The following MGAT4A variants were observed in gnomAD, a reference collection of about 807,000 sequenced individuals.
MGAT4A encodes the protein alpha-1,3-mannosyl-glycoprotein 4-beta-N-acetylglucosaminyltransferase A, also known as N-acetylglucosaminyltransferase IVa.
In MGAT4A, 33 loss-of-function variants were observed where a neutral mutation model predicts 74.1. The ratio of observed to expected loss-of-function variants is 0.45; its 90% CI spans 0.34 to 0.60. MGAT4A has a LOEUF of 0.60. Among genes scored for constraint, MGAT4A ranks in the 20% least tolerant of loss-of-function variants. The pLI is 0.02. For missense variants in MGAT4A, 479 were observed against 628.3 expected, an observed-to-expected ratio of 0.76 and a Z score of 2.54; for synonymous variants, 198 against 210.4, an observed-to-expected ratio of 0.94 and a Z score of 0.51.
At chr2:98,639,243 A>G (rs1701368258) in intron 12 of MGAT4A, among the ~76,000 whole-genome samples, 1 of 152,008 alleles carries the variant, frequency 6.6e-6, no homozygotes, top group Non-Finnish European at 1.5e-5. Flanking sequence ...GCTACATTGC[A>G]CCATTGCACT....
intron 1 of MGAT4A, among the ~76,000 whole-genome samples, chr2:98,728,080 C>G (rs1200366155): frequency 1.3e-5 from 2 of 152,096 alleles, no homozygotes; most frequent in Non-Finnish European, 2.9e-5. Context: ...AGAATTATAC[C>G]CAACTGTAAG....
intron 3 of MGAT4A, 37 bp downstream of exon 3, chr2:98,678,267 T>C (rs972105551): frequency 3.0e-5 from 16 of 538,116 alleles, no homozygotes; most frequent in Admixed American, 2.6e-4. Flanking sequence ...TATATATATA[T>C]AAAATCTTTT....
At chr2:98,708,540 C>T (rs942934194) in intron 2 of MGAT4A, among the ~76,000 whole-genome samples, 1 of 152,176 alleles carries the variant, frequency 6.6e-6, no homozygotes, top group Non-Finnish European at 1.5e-5. Context: ...TCAGCAGTTA[C>T]ACTTAGTAAC....
At chr2:98,662,883 G>A (rs1271069286) in intron 5 of MGAT4A, among the ~76,000 whole-genome samples, 163 bp downstream of exon 5, 1 of 152,194 alleles carries the variant, frequency 6.6e-6, no homozygotes, top group Non-Finnish European at 1.5e-5. Flanking sequence ...CAGGACAGAA[G>A]TGAGTTCAAT....
chr2:98,623,541 A>T lies in MGAT4A; in HGVS notation c.*2025T>A, dbSNP rs1221724899. On this transcript the variant is annotated 3_prime_UTR_variant, in exon 16 of 16. Transcript: ENST00000393487. Reference sequence around the variant, plus strand: ...AAGGTTATTCCTGTTTTTGAATGAAATTTGCTCATGGGCACTGGGCCAAGG... The same window carrying T: ...AAGGTTATTCCTGTTTTTGAATGAATTTTGCTCATGGGCACTGGGCCAAGG... The T allele has an allele frequency of 3.0e-6, 3 of 985,306 alleles. No individual in the cohort carries two copies. The Admixed American group carries it at 1.8e-4, about 61-fold the overall frequency. The allele number at this position is 985,306 out of a possible 1,614,324, so 61.0% of individuals were successfully genotyped here.
At chr2:98,650,547 G>T (rs201363658) in intron 8 of MGAT4A, among the ~76,000 whole-genome samples, 2 of 152,170 alleles carry the variant, frequency 1.3e-5, no homozygotes, top group East Asian at 3.8e-4. Context: ...TTTCCCAGAA[G>T]AAACTTTATT....
At chr2:98,672,744 T>C (rs1701928072) in intron 4 of MGAT4A, among the ~76,000 whole-genome samples, 1 of 152,224 alleles carries the variant, frequency 6.6e-6, no homozygotes. Flanking sequence ...TAATTTGATC[T>C]TTAGCTATGT....
intron 4 of MGAT4A, among the ~76,000 whole-genome samples, chr2:98,665,333 C>A (rs200668448): frequency 5.0e-3 from 573 of 114,760 alleles, no homozygotes; most frequent in South Asian, 7.4e-3. Context: ...CATCTCATCT[C>A]AAAAAAAAAA....
At chr2:98,664,876 T>C (rs997502491) in intron 4 of MGAT4A, among the ~76,000 whole-genome samples, 3 of 152,222 alleles carry the variant, frequency 2.0e-5, no homozygotes, top group African/African-American at 7.2e-5. Flanking sequence ...TTATACTGCA[T>C]TATAGAGGTA....
intron 14 of MGAT4A, among the ~76,000 whole-genome samples, chr2:98,629,591 C>T (rs1701197515): frequency 6.6e-6 from 1 of 152,136 alleles, no homozygotes; most frequent in Admixed American, 6.5e-5. Flanking sequence ...CACTCTTGCC[C>T]AGCAATTTAT....
intron 14 of MGAT4A, among the ~76,000 whole-genome samples, chr2:98,630,025 G>A (rs918883797): frequency 6.6e-6 from 1 of 152,148 alleles, no homozygotes; most frequent in Admixed American, 6.6e-5. Flanking sequence ...TACCCTGGGC[G>A]ACAGAGCAAG....
Position 98,622,907 on chromosome 2 carries a change from A to G in MGAT4A, c.*2659T>C. ...GGTGGCACACACCTATAATCCCAGC[A>G]CTTTGGGAGGCTGAGGCAGGAGGAT... On this transcript the variant is annotated 3_prime_UTR_variant, in exon 16 of 16. Transcript: ENST00000393487. 4.1e-6 allele frequency: 4 copies of G among 985,634 alleles called. No individual in the cohort carries two copies. Among genetic ancestry groups the G allele is most frequent in the Non-Finnish European group, 3.6e-6 (3 of 830,008 alleles). 61.1% of individuals were successfully genotyped at this position (985,634 alleles called of 1,614,324 possible).
chr2:98,718,737 C>T (rs943127695), intron 2 of MGAT4A, among the ~76,000 whole-genome samples: 9 of 152,218 alleles, frequency 5.9e-5, no homozygotes, highest in Admixed American at 3.3e-4. Context: ...GGCTCTCTTA[C>T]TCTACCCAAC....
intron 2 of MGAT4A, among the ~76,000 whole-genome samples, chr2:98,692,736 T>C (rs967565229): frequency 4.6e-5 from 7 of 152,156 alleles, no homozygotes; most frequent in Admixed American, 4.6e-4. Flanking sequence ...GCTATATAGG[T>C]TTGTAGCCTA....
rs149661176 is a variant in MGAT4A at position 98,635,070 on chromosome 2, A to C, written c.1468+152T>G. 3.3e-5 allele frequency: 19 copies of C among 582,568 alleles called. No individual in the cohort carries two copies. The East Asian group carries it at 5.6e-4, about 17-fold the overall frequency. The allele number at this position is 582,568 out of a possible 1,614,324, so 36.1% of individuals were successfully genotyped here. On this transcript the variant is annotated intron_variant, in intron 14 of 15. Coordinates refer to ENST00000393487, the MANE Select transcript of MGAT4A (RefSeq NM_012214.3). ...ATATGAAATCCTACTTGGGTCAAAT[A>C]ATAAAAGCAAGTACTACAACACAGC...
chr2:98,664,810 C>T (rs975170782), intron 4 of MGAT4A, among the ~76,000 whole-genome samples: 11 of 152,080 alleles, frequency 7.2e-5, no homozygotes, highest in Non-Finnish European at 1.5e-4. Flanking sequence ...TGATCCTAAC[C>T]CCCTTGCTCT....
At chr2:98,679,124 T>C (rs1177975847) in intron 2 of MGAT4A, among the ~76,000 whole-genome samples, 1 of 151,982 alleles carries the variant, frequency 6.6e-6, no homozygotes, top group East Asian at 1.9e-4. Context: ...CCAGCCTAGA[T>C]GGCCGGGTGC....
At position 98,726,353 on chromosome 2, in the gene MGAT4A, G is replaced by A. The variant is rs1242083579; in HGVS notation, c.-21C>T. On this transcript the variant is annotated 5_prime_UTR_variant, in exon 2 of 16. Coordinates refer to ENST00000393487, the MANE Select transcript of MGAT4A (RefSeq NM_012214.3). ...CTCATCTCATTTCACCATCACACTGGTCCATATGTTTATGATGACAACAAC... is the reference window on the plus strand; with the variant it reads ...CTCATCTCATTTCACCATCACACTGATCCATATGTTTATGATGACAACAAC... 2 of 1,598,078 alleles carry A rather than the reference G, an allele frequency of 1.3e-6. No homozygotes were observed. Among genetic ancestry groups the A allele is most frequent in the Non-Finnish European group, 8.6e-7 (1 of 1,166,846 alleles).
At chr2:98,722,408 T>G (rs1011415797) in intron 2 of MGAT4A, among the ~76,000 whole-genome samples, 1 of 152,182 alleles carries the variant, frequency 6.6e-6, no homozygotes, top group East Asian at 1.9e-4. Context: ...TTGCATAGAT[T>G]ACACTAAGTG....
Sources: gnomAD v4.1 joint callset for allele counts (sites outside exome capture counted in the v4.1 genomes callset) on GRCh38, gnomAD v4.1.1 for gene constraint, MANE v1.5 for transcripts, NCBI Gene and HGNC (gene_info 2026-07-23, HGNC 2026-07-21) for gene names.